The following SHPRH variants were observed in gnomAD, a reference collection of about 807,000 sequenced individuals.
SHPRH encodes SNF2 histone linker PHD RING helicase.
SHPRH carries 106 observed loss-of-function variants against 202.5 expected under a neutral mutation model. The ratio of observed to expected loss-of-function variants is 0.52; its 90% CI spans 0.45 to 0.62. The LOEUF (loss-of-function observed/expected upper bound fraction) is 0.62. SHPRH is among the 20% of genes least tolerant of loss of function. SHPRH has a pLI of 0.00. For missense variants in SHPRH, 1,710 were observed against 2,020.0 expected, an observed-to-expected ratio of 0.85 and a Z score of 2.94; for synonymous variants, 729 against 686.0, an observed-to-expected ratio of 1.06 and a Z score of -0.98.
intron 18 of SHPRH, 100 bp from the exon 19 acceptor site, chr6:145,922,936 CTGTT>C (rs1267407091): frequency 2.0e-5 from 25 of 1,261,820 alleles, no homozygotes; most frequent in Middle Eastern, 4.0e-4. Context: ...GTTAAAGAAA[CTGTT>C]TGCTGTTTTT....
At chr6:145,878,607 GTTAT>G (rs769984194) in intron 2 of SHPRH, among the ~76,000 whole-genome samples, 2 of 152,130 alleles carry the variant, frequency 1.3e-5, no homozygotes, top group African/African-American at 2.4e-5. Context: ...TTTAAATTGG[GTTAT>G]TTGTCTTTCT....
chr6:145,893,331 T>C lies in SHPRH; in HGVS notation c.4758A>G (p.Thr1586=). ...CAATGATAGTTAATCCATTAGAACC[T>C]GTGTGCAGGGGCAGCAGCAAAATAT... ...QINILLLPLH[T]GSNGLTIIEA... Residue 1586 remains threonine, a synonymous_variant, in exon 28 of 30, where the codon ACA becomes ACG. Transcript: ENST00000275233. The C allele has an allele frequency of 6.2e-7, 1 of 1,604,680 alleles. No individual in the cohort carries two copies. The highest frequency in any genetic ancestry group is 8.5e-7 in the Non-Finnish European group (1 of 1,176,138).
Position 145,934,949 on chromosome 6 carries a change from T to TGAC in SHPRH, c.2945_2947dup (p.Cys982_His983insArg). 6.2e-7 allele frequency: 1 copy of TGAC among 1,612,208 alleles called. No individual in the cohort carries two copies. The highest frequency in any genetic ancestry group is 8.5e-7 in the Non-Finnish European group (1 of 1,178,488). On this transcript the variant is annotated inframe_insertion, in exon 13 of 30. Transcript: ENST00000275233. ...GAACTCTCCACGAACAGCCTGTGGG[T>TGAC]GACAGCAGGCCTGTCTGAGCCTCAG...
the SHPRH span, among the ~76,000 whole-genome samples, chr6:145,859,163 A>G: frequency 2.0e-5 from 3 of 152,214 alleles, no homozygotes; most frequent in East Asian, 5.8e-4. Flanking sequence ...GATAAAAACA[A>G]AATGTATGTC....
downstream of SHPRH, chr6:145,884,349 G>A (rs931461409): frequency 6.6e-6 from 1 of 152,186 alleles, no homozygotes; most frequent in Non-Finnish European, 1.5e-5. Context: ...AAAAGGCTAT[G>A]ACGTTAGGTA....
At position 145,923,658 on chromosome 6, in the gene SHPRH, AG is replaced by A; in HGVS notation, c.3529del (p.Leu1177PhefsTer24). 1.9e-6 allele frequency: 3 copies of A among 1,611,950 alleles called. No homozygotes were observed. The highest frequency in any genetic ancestry group is 2.5e-6 in the Non-Finnish European group (3 of 1,178,628). Reference sequence around the variant, plus strand: ...GTTTTCTTACTTCTCTGACATAGAAAGCTTGCCAGTTTGTTGCTTGTAGTTG... The same window carrying A: ...GTTTTCTTACTTCTCTGACATAGAAACTTGCCAGTTTGTTGCTTGTAGTTG... ...TSNYKQQTGK[L>X]SMSEKFRDCR... On this transcript the variant is annotated frameshift_variant, in exon 18 of 30. Coordinates refer to ENST00000275233, the MANE Select transcript of SHPRH (RefSeq NM_001042683.3). LOFTEE classifies it high-confidence loss of function.
chr6:145,918,062 G>C, intron 23 of SHPRH, 69 bp downstream of exon 23: 1 of 1,162,386 alleles, frequency 8.6e-7, no homozygotes, highest in Non-Finnish European at 1.2e-6. Flanking sequence ...CATTAATTAT[G>C]AAAGGAGTCA....
intron 25 of SHPRH, chr6:145,906,701 TCA>T (rs144091411): frequency 1.4e-3 from 218 of 152,224 alleles, no homozygotes; most frequent in African/African-American, 5.0e-3. Flanking sequence ...TGATTCTATC[TCA>T]CAGTTAAGTT....
intron 4 of SHPRH, among the ~76,000 whole-genome samples, chr6:145,948,998 A>G (rs6936879): frequency 0.027 from 4,044 of 152,144 alleles, 186 homozygotes; most frequent in African/African-American, 0.092. Flanking sequence ...GCTTCTTTAG[A>G]GATTAATAGA....
Position 145,890,924 on chromosome 6 carries a change from C to T in SHPRH, c.4874+2291G>A, listed in dbSNP as rs75765515. ...AAAATATATCCAGAACCTGACCACT[C>T]CTCATCATGTGCACTGCTACTGCCA... is the stretch of plus-strand genomic sequence containing the variant. On this transcript the variant is annotated intron_variant, in intron 28 of 29. Coordinates refer to ENST00000275233, the MANE Select transcript of SHPRH (RefSeq NM_001042683.3). 4.2e-3 allele frequency among the ~76,000 whole-genome samples: 632 copies of T among 152,258 alleles called. 16 individuals carry two copies. The East Asian group carries it at 0.071, about 17-fold the overall frequency.
intron 2 of SHPRH, among the ~76,000 whole-genome samples, chr6:145,867,631 T>TAGAGAGAGAGAGAGAGAGAGAGAG (rs748613165): frequency 9.0e-5 from 2 of 22,316 alleles, no homozygotes; most frequent in African/African-American, 4.4e-4. Flanking sequence ...TATATATATA[T>TAGAGAGAGAGAGAGAGAGAGAGAG]AGAGAGAGAG....
Position 145,935,302 on chromosome 6 carries a change from A to T in SHPRH, c.2709T>A (p.Ser903=), listed in dbSNP as rs772530805. The T allele has an allele frequency of 8.7e-6, 14 of 1,613,984 alleles. No homozygotes were observed. The highest frequency in any genetic ancestry group is 1.2e-5 in the Non-Finnish European group (14 of 1,180,014). Residue 903 remains serine (S), a synonymous_variant, in exon 12 of 30, where the codon TCT becomes TCA. Coordinates refer to ENST00000275233, the MANE Select transcript of SHPRH (RefSeq NM_001042683.3). The stretch of plus-strand genomic sequence containing the variant: ...CTTGGTCAATCACATCTTTCTTTGC[A>T]GACCTCCACAGTATCTTGGCAATAA... ...YSFIAKILWR[S]AKKDVIDQIQ...
chr6:145,920,257 C>T (rs1583399052), intron 21 of SHPRH, among the ~76,000 whole-genome samples: 1 of 152,144 alleles, frequency 6.6e-6, no homozygotes, highest in South Asian at 2.1e-4. Flanking sequence ...GAGAACTGCA[C>T]AGTAAGCTCT....
chr6:145,928,206 CTATG>C (rs1249954274), intron 14 of SHPRH, among the ~76,000 whole-genome samples: 1 of 151,758 alleles, frequency 6.6e-6, no homozygotes, highest in Admixed American at 6.6e-5. Context: ...CTTGCAATGC[CTATG>C]TATTATCTGC....
rs1378848024 is a variant in SHPRH, at chr6:145,886,758, T to G, written c.4985A>C (p.Glu1662Ala). Reference sequence around the variant, plus strand: ...GTCAGCCACAGTCAAGACAGAGGCCTCTGAATGCTTTGCTGATGAGTTCGT... The same window carrying G: ...GTCAGCCACAGTCAAGACAGAGGCCGCTGAATGCTTTGCTGATGAGTTCGT... ...SHTNSSAKHS[E>A]ASVLTVADLA... The change falls in exon 30 of 30, where the codon GAG becomes GCG. Residue 1662 changes from glutamate to alanine, a missense_variant. Glu to Ala is a moderately radical substitution (Grantham distance 107, BLOSUM62 -1). Transcript: ENST00000275233. 1.1e-5 allele frequency: 17 copies of G among 1,613,608 alleles called. No homozygotes were observed. The Middle Eastern group carries it at 4.9e-4, about 47-fold the overall frequency.
intron 1 of SHPRH, among the ~76,000 whole-genome samples, chr6:145,958,599 G>C (rs1280631795): frequency 1.3e-5 from 2 of 152,134 alleles, no homozygotes; most frequent in Non-Finnish European, 2.9e-5. Context: ...ATGATTCAAA[G>C]GAAGTGATTT....
intron 25 of SHPRH, 114 bp downstream of exon 25, chr6:145,910,334 C>A (rs9403755): frequency 0.59 from 682,858 of 1,153,138 alleles, 204,274 homozygotes; most frequent in Admixed American, 0.76. Context: ...ACAACAGTGG[C>A]GTCTACCTAT....
chr6:145,951,986 G>C, intron 3 of SHPRH: 1 of 437,766 alleles, frequency 2.3e-6, no homozygotes, highest in Non-Finnish European at 4.6e-6. Context: ...GAAATTATTT[G>C]TCAGACTGCA....
chr6:145,874,597 T>C (rs1780216996), intron 2 of SHPRH, among the ~76,000 whole-genome samples: 1 of 151,668 alleles, frequency 6.6e-6, no homozygotes, highest in African/African-American at 2.4e-5. Flanking sequence ...AATTAACACA[T>C]CCATCACCTC....
Sources: gnomAD v4.1 joint callset for allele counts (sites outside exome capture counted in the v4.1 genomes callset) on GRCh38, gnomAD v4.1.1 for gene constraint, MANE v1.5 for transcripts, NCBI Gene and HGNC (gene_info 2026-07-23, HGNC 2026-07-21) for gene names.